Variants in PTPRD observed in about 807,000 individuals in gnomAD.
The protein encoded by PTPRD is receptor-type tyrosine-protein phosphatase delta.
A neutral mutation model predicts 214.5 loss-of-function variants in PTPRD; 34 were observed. The observed-to-expected ratio is 0.16, with a 90% CI of 0.12 to 0.21. PTPRD has a LOEUF of 0.21. Among genes scored for constraint, PTPRD ranks in the 10% least tolerant of loss-of-function variants. The pLI is 1.00. For missense variants in PTPRD, 2,545 were observed against 2,398.7 expected (o/e 1.06, Z -1.27); for synonymous variants, 1,128 against 845.7 (o/e 1.33, Z -5.79).
intron 3 of PTPRD, among the ~76,000 whole-genome samples, chr9:10,099,845 G>C (rs1468079573): frequency 6.6e-6 from 1 of 151,596 alleles, no homozygotes; most frequent in Non-Finnish European, 1.5e-5. Flanking sequence ...AAAAGATTCG[G>C]AGACATTTTA....
intron 7 of PTPRD, among the ~76,000 whole-genome samples, chr9:9,678,264 A>G (rs773733161): frequency 1.3e-5 from 2 of 152,134 alleles, no homozygotes; most frequent in African/African-American, 4.8e-5. Flanking sequence ...TTGCCAAGAC[A>G]ATCTTAAGCC....
At chr9:10,025,875 A>C (rs187329584) in intron 4 of PTPRD, among the ~76,000 whole-genome samples, 1 of 152,336 alleles carries the variant, frequency 6.6e-6, no homozygotes, top group East Asian at 1.9e-4. Context: ...GGAACATTTC[A>C]ACCTCACCAC....
At chr9:9,218,188 C>T (rs1366050018) in intron 9 of PTPRD, among the ~76,000 whole-genome samples, 1 of 152,114 alleles carries the variant, frequency 6.6e-6, no homozygotes, top group African/African-American at 2.4e-5. Context: ...ACTGGCTATC[C>T]TCAATATTCT....
At chr9:9,712,763 CAAT>C (rs2097759672) in intron 7 of PTPRD, among the ~76,000 whole-genome samples, 2 of 152,102 alleles carry the variant, frequency 1.3e-5, no homozygotes, top group Non-Finnish European at 2.9e-5. Context: ...ACTTAAAACT[CAAT>C]AATATGCCAG....
chr9:10,315,492 G>T (rs1438356765), intron 3 of PTPRD, among the ~76,000 whole-genome samples: 1 of 151,624 alleles, frequency 6.6e-6, no homozygotes, highest in East Asian at 1.9e-4. Flanking sequence ...TATTAATTGG[G>T]GGTTACTTTT....
chr9:9,378,218 T>G (rs2061315247), intron 9 of PTPRD, among the ~76,000 whole-genome samples: 1 of 152,152 alleles, frequency 6.6e-6, no homozygotes, highest in South Asian at 2.1e-4. Context: ...TGGCAACCAC[T>G]GATCGTTAAA....
chr9:9,146,056 C>T (rs1291532023), intron 10 of PTPRD, among the ~76,000 whole-genome samples: 1 of 152,148 alleles, frequency 6.6e-6, no homozygotes, highest in African/African-American at 2.4e-5. Context: ...GTAAAAATTA[C>T]ACTTATGAGT....
intron 3 of PTPRD, among the ~76,000 whole-genome samples, chr9:10,129,426 C>G (rs2098842430): frequency 6.6e-6 from 1 of 151,764 alleles, no homozygotes; most frequent in Non-Finnish European, 1.5e-5. Flanking sequence ...ATCTGAAAAC[C>G]TATTGACATG....
intron 10 of PTPRD, among the ~76,000 whole-genome samples, chr9:9,168,347 T>G (rs1160384212): frequency 6.6e-6 from 1 of 152,206 alleles, no homozygotes; most frequent in Non-Finnish European, 1.5e-5. Flanking sequence ...TTCATTTTTT[T>G]ATCTTGCCTT....
Position 9,998,129 on chromosome 9 carries a change from A to AAAAAAATATATAT in PTPRD, c.-472+35588_-472+35589insATATATATTTTTT, listed in dbSNP as rs57991748. ...TTAAAGTATAATAAAAAAAAAAAAA[A>AAAAAAATATATAT]ATATATATATATATATAAAAGAAGA... On this transcript the variant is annotated intron_variant, in intron 4 of 45. Transcript: ENST00000381196. 3.6e-3 allele frequency among the ~76,000 whole-genome samples: 326 copies of AAAAAAATATATAT among 91,418 alleles called. 1 individual carries two copies. The highest frequency in any genetic ancestry group is 4.4e-3 in the Non-Finnish European group (224 of 50,738). The allele number at this position is 91,418 out of a possible 152,430, so 60.0% of individuals were successfully genotyped here. A position where few individuals can be genotyped will look rare whatever the true frequency, so the allele number is the denominator to read the frequency against.
chr9:9,914,572 C>G (rs2080150371), intron 5 of PTPRD, among the ~76,000 whole-genome samples: 1 of 152,232 alleles, frequency 6.6e-6, no homozygotes, highest in Non-Finnish European at 1.5e-5. Flanking sequence ...CACAGCCAGG[C>G]TGGCTGAACA....
At chr9:10,096,228 G>C (rs1289867534) in intron 3 of PTPRD, among the ~76,000 whole-genome samples, 2 of 151,650 alleles carry the variant, frequency 1.3e-5, no homozygotes, top group Non-Finnish European at 3.0e-5. Flanking sequence ...AAGTTACTAA[G>C]ATATAAATTG....
At chr9:10,199,897 TCGCGCGCACA>T (rs1351678377) in intron 3 of PTPRD, among the ~76,000 whole-genome samples, 2 of 129,426 alleles carry the variant, frequency 1.5e-5, no homozygotes, top group African/African-American at 6.9e-5. Flanking sequence ...ACATGGGCAC[TCGCGCGCACA>T]CACGCACACA....
At chr9:8,565,305 T>C (rs1338933598) in intron 14 of PTPRD, among the ~76,000 whole-genome samples, 3 of 152,192 alleles carry the variant, frequency 2.0e-5, no homozygotes, top group South Asian at 2.1e-4. Context: ...AATTTGACCT[T>C]TTTTTCCCTA....
At chr9:9,273,763 G>T (rs1217103460) in intron 9 of PTPRD, among the ~76,000 whole-genome samples, 1 of 151,242 alleles carries the variant, frequency 6.6e-6, no homozygotes, top group African/African-American at 2.4e-5. Flanking sequence ...ATTTGCACAG[G>T]TGGAAGTAAG....
chr9:9,985,978 G>A (rs1297776046), intron 4 of PTPRD, among the ~76,000 whole-genome samples: 2 of 152,076 alleles, frequency 1.3e-5, no homozygotes, highest in Non-Finnish European at 1.5e-5. Context: ...CTCATTGGAA[G>A]ACTACTTAAT....
At chr9:9,443,201 A>G (rs2144607401) in intron 8 of PTPRD, among the ~76,000 whole-genome samples, 1 of 152,274 alleles carries the variant, frequency 6.6e-6, no homozygotes. Flanking sequence ...AACATAATGG[A>G]AGTATTATGT....
At chr9:9,777,190 G>T (rs900244199) in intron 5 of PTPRD, among the ~76,000 whole-genome samples, 95 of 152,142 alleles carry the variant, frequency 6.2e-4, no homozygotes, top group Admixed American at 6.0e-3. Context: ...TCAATAAAAT[G>T]AAGTGATCAA....
chr9:9,212,110 G>C (rs374745364), intron 9 of PTPRD, among the ~76,000 whole-genome samples: 2 of 151,560 alleles, frequency 1.3e-5, no homozygotes, highest in East Asian at 1.9e-4. Flanking sequence ...GTTTTGTATG[G>C]GCAATACCCA....
Sources: gnomAD v4.1 joint callset for allele counts (sites outside exome capture counted in the v4.1 genomes callset) on GRCh38, gnomAD v4.1.1 for gene constraint, MANE v1.5 for transcripts, NCBI Gene and HGNC (gene_info 2026-07-23, HGNC 2026-07-21) for gene names.